Variants in FBXO25 observed in about 807,000 individuals in gnomAD.
The protein encoded by FBXO25 is F-box only protein 25.
Under a neutral mutation model 51.9 loss-of-function variants are expected in FBXO25, and 45 were observed. The ratio of observed to expected loss-of-function variants is 0.87; its 90% CI spans 0.68 to 1.11. The LOEUF (loss-of-function observed/expected upper bound fraction) is 1.11, where lower values mean the gene tolerates loss of function less well. FBXO25 is among the 50% of genes most tolerant of loss of function. The pLI, the probability that FBXO25 is intolerant of heterozygous loss-of-function variation, is 0.00. For synonymous variants in FBXO25, 199 were observed against 151.0 expected (o/e 1.32, Z -2.33); for missense variants, 507 against 428.5 (o/e 1.18, Z -1.62).
intron 8 of FBXO25, among the ~76,000 whole-genome samples, chr8:460,813 C>T (rs949814025): frequency 2.0e-5 from 3 of 152,194 alleles, no homozygotes; most frequent in Admixed American, 2.0e-4. Flanking sequence ...TATGAACAGG[C>T]TGATAACGAC....
chr8:453,905 C>A (rs562267976), intron 7 of FBXO25, among the ~76,000 whole-genome samples: 1 of 152,094 alleles, frequency 6.6e-6, no homozygotes, highest in African/African-American at 2.4e-5. Context: ...AGGTGGATCA[C>A]CTGAGGTCAG....
intron 2 of FBXO25, among the ~76,000 whole-genome samples, chr8:430,411 C>A (rs886133157): frequency 2.6e-5 from 4 of 151,548 alleles, no homozygotes; most frequent in African/African-American, 9.7e-5. Flanking sequence ...TCTGTTCTGA[C>A]AGTGAGAAAG....
chr8:451,480 T>A (rs374196153), intron 7 of FBXO25, 27 bp downstream of exon 7: 6 of 1,594,426 alleles, frequency 3.8e-6, no homozygotes, highest in Non-Finnish European at 5.1e-6. Context: ...ATAAGAGTTA[T>A]TACACTCTGT....
intron 5 of FBXO25, among the ~76,000 whole-genome samples, chr8:446,822 A>C (rs947944822): frequency 6.6e-6 from 1 of 152,160 alleles, no homozygotes; most frequent in South Asian, 2.1e-4. Flanking sequence ...AAAGATTATC[A>C]TGTAATTGTC....
At chr8:468,116 T>A in intron 9 of FBXO25, 1 of 1,056,976 alleles carries the variant, frequency 9.5e-7, no homozygotes, top group South Asian at 4.0e-5. Context: ...TCTGCCAGTC[T>A]TCATCCACAA....
rs1227987972 is a variant in FBXO25, at chr8:474,661, T to C, written c.*5857T>C. The C allele has an allele frequency of 6.7e-6, 3 of 444,918 alleles. No homozygotes were observed. The highest frequency in any genetic ancestry group is 6.1e-5 in the African/African-American group (3 of 49,124). 27.6% of individuals were successfully genotyped at this position (444,918 alleles called of 1,614,324 possible). Reference sequence around the variant, plus strand: ...TGAGTATCTGTTTGTTGGCCGTTTATATGTCGTCTTTGGAGAAATGTCTAT... The same window carrying C: ...TGAGTATCTGTTTGTTGGCCGTTTACATGTCGTCTTTGGAGAAATGTCTAT... On this transcript the variant is annotated 3_prime_UTR_variant, in exon 10 of 10. Coordinates refer to ENST00000350302, the MANE Select transcript of FBXO25 (RefSeq NM_183420.2).
At chr8:438,076 A>C (rs979487560) in intron 5 of FBXO25, among the ~76,000 whole-genome samples, 1 of 147,148 alleles carries the variant, frequency 6.8e-6, no homozygotes, top group African/African-American at 2.5e-5. Flanking sequence ...TTTTTTTTAG[A>C]TGGAGTCTCA....
chr8:438,869 C>G (rs1338073502), intron 5 of FBXO25, among the ~76,000 whole-genome samples: 1 of 152,196 alleles, frequency 6.6e-6, no homozygotes, highest in Admixed American at 6.5e-5. Flanking sequence ...AGCAGCATTC[C>G]CTGGCCCTTA....
intron 7 of FBXO25, among the ~76,000 whole-genome samples, chr8:453,262 C>G (rs1370589545): frequency 6.6e-6 from 1 of 152,210 alleles, no homozygotes; most frequent in Non-Finnish European, 1.5e-5. Context: ...ATCTTACCAT[C>G]AGAGACCTTG....
chr8:409,877 C>T (rs538157969), intron 1 of FBXO25, among the ~76,000 whole-genome samples: 34 of 152,262 alleles, frequency 2.2e-4, no homozygotes, highest in African/African-American at 7.0e-4. Context: ...GTCTAAACAC[C>T]TTTGATATTC....
intron 1 of FBXO25, among the ~76,000 whole-genome samples, chr8:408,657 T>A (rs1254638503): frequency 6.6e-6 from 1 of 152,218 alleles, no homozygotes; most frequent in Non-Finnish European, 1.5e-5. Flanking sequence ...AAAATATGCT[T>A]GTTGAAGGAA....
At chr8:440,248 A>C (rs1372539123) in intron 5 of FBXO25, among the ~76,000 whole-genome samples, 1 of 152,228 alleles carries the variant, frequency 6.6e-6, no homozygotes, top group East Asian at 1.9e-4. Context: ...ACCTCAGAGC[A>C]CTGTTAGAAA....
chr8:430,190 G>C (rs1797739327), intron 2 of FBXO25, among the ~76,000 whole-genome samples: 1 of 152,152 alleles, frequency 6.6e-6, no homozygotes, highest in Admixed American at 6.5e-5. Context: ...ATTTTCGTTA[G>C]AAAAACCGTT....
chr8:420,154 A>G (rs899256051), intron 2 of FBXO25, among the ~76,000 whole-genome samples: 1 of 152,110 alleles, frequency 6.6e-6, no homozygotes. Context: ...CTAGAGATAT[A>G]ACAGTATGTT....
chr8:430,948 G>T (rs73669379), intron 2 of FBXO25, among the ~76,000 whole-genome samples: 2,996 of 152,266 alleles, frequency 0.02, 78 homozygotes, highest in African/African-American at 0.069. Flanking sequence ...GAAATGTTGA[G>T]TGGTTACTCA....
chr8:447,220 G>C (rs1301720073), intron 5 of FBXO25, among the ~76,000 whole-genome samples: 3 of 152,118 alleles, frequency 2.0e-5, no homozygotes, highest in African/African-American at 4.8e-5. Context: ...TTTTACTCAG[G>C]GACATGGGCT....
intron 2 of FBXO25, among the ~76,000 whole-genome samples, chr8:427,053 T>C (rs1463741724): frequency 6.6e-6 from 1 of 151,692 alleles, no homozygotes; most frequent in Non-Finnish European, 1.5e-5. Context: ...GGAAAATGGA[T>C]AAACGTAAAC....
intron 5 of FBXO25, among the ~76,000 whole-genome samples, chr8:438,727 C>T (rs967350696): frequency 2.0e-5 from 3 of 152,186 alleles, no homozygotes; most frequent in African/African-American, 4.8e-5. Context: ...TTCTAACTTT[C>T]AAGAAACTTT....
At chr8:417,270 C>T (rs1454583126) in intron 2 of FBXO25, among the ~76,000 whole-genome samples, 1 of 152,140 alleles carries the variant, frequency 6.6e-6, no homozygotes, top group Non-Finnish European at 1.5e-5. Flanking sequence ...TTTGTTCAGG[C>T]CTATGCTTTA....
Sources: allele counts gnomAD v4.1 joint callset (sites outside exome capture counted in the v4.1 genomes callset), GRCh38; gene constraint gnomAD v4.1.1; transcripts MANE v1.5; gene names NCBI Gene and HGNC (gene_info 2026-07-23, HGNC 2026-07-21).